Variants in CALM2 observed in about 807,000 individuals in gnomAD.
CALM2 encodes calmodulin 2.
In CALM2, 2 loss-of-function variants were observed where a neutral mutation model predicts 19.8. That is an observed-to-expected ratio of 0.10 (90% CI 0.04 to 0.32). CALM2 has a LOEUF of 0.32. Ranked by LOEUF, CALM2 falls within the 10% of genes least tolerant of loss-of-function variation. CALM2 has a pLI of 1.00. For missense variants in CALM2, 38 were observed against 178.7 expected (o/e 0.21, Z 4.49); for synonymous variants, 51 against 52.1 (o/e 0.98, Z 0.09).
At chr2:47,172,474 G>T in intron 1 of CALM2, 2 of 1,172,542 alleles carry the variant, frequency 1.7e-6, no homozygotes, top group Non-Finnish European at 2.3e-6. Context: ...AGAGTTAAAT[G>T]ATAACCATTA....
At chr2:47,162,776 G>T in intron 2 of CALM2, 114 bp from the exon 3 acceptor site, 1 of 854,230 alleles carries the variant, frequency 1.2e-6, no homozygotes, top group Non-Finnish European at 1.8e-6. Context: ...CCAGTGAACA[G>T]CCACTGCACT....
intron 1 of CALM2, chr2:47,171,862 A>G (rs1398647597): frequency 6.6e-6 from 1 of 152,050 alleles, no homozygotes; most frequent in Non-Finnish European, 1.5e-5. Flanking sequence ...AAAAAGTAAC[A>G]CCTTAATGTG....
At chr2:47,171,030 C>A in intron 1 of CALM2, 1 of 401,484 alleles carries the variant, frequency 2.5e-6, no homozygotes. Context: ...CTTCCTTTTT[C>A]AACGTTAGAA....
rs1369860734 is a variant in CALM2, at chr2:47,160,850, C to A, written c.422-46G>T. 6.7e-5 allele frequency: 25 copies of A among 371,992 alleles called. No homozygotes were observed. Among genetic ancestry groups the A allele is most frequent in the South Asian group, 3.8e-4 (5 of 13,224 alleles). 23.0% of individuals were successfully genotyped at this position (371,992 alleles called of 1,614,324 possible). On this transcript the variant is annotated intron_variant, in intron 5 of 5. Coordinates refer to ENST00000272298, the MANE Select transcript of CALM2 (RefSeq NM_001743.6). ...AAAAAATGAGTCAATAGCAAAAGAC[C>A]AAAAAAAAAAAAAAAAAAAAAAAAT... is the stretch of plus-strand genomic sequence containing the variant.
At chr2:47,176,845 G>T (rs1666891782), upstream of CALM2, 8 of 985,340 alleles carry the variant, frequency 8.1e-6, no homozygotes, top group South Asian at 3.3e-4. Flanking sequence ...TGGCTGGTTT[G>T]TACCTGCAAT....
chr2:47,163,184 C>A (rs1350795083), intron 2 of CALM2: 1 of 153,062 alleles, frequency 6.5e-6, no homozygotes, highest in Non-Finnish European at 1.5e-5. Context: ...GAGTTAGCCA[C>A]TATGTCTAAA....
chr2:47,162,171 CAAAAAAAAAAAA>C lies in CALM2; in HGVS notation c.285+103_285+114del, dbSNP rs56839340. On this transcript the variant is annotated intron_variant, in intron 4 of 5. Coordinates refer to ENST00000272298, the MANE Select transcript of CALM2 (RefSeq NM_001743.6). ...TAATTAAAATATGTTGGTAAATCAT[CAAAAAAAAAAAA>C]AAAAAAAAAAAAAAAAACAACCAAA... 2.1e-3 allele frequency: 275 copies of C among 130,118 alleles called. 1 individual carries two copies. In the South Asian group the frequency reaches 0.026, roughly 12 times the overall value. 8.1% of individuals were successfully genotyped at this position (130,118 alleles called of 1,614,324 possible).
chr2:47,172,404 CA>C, intron 1 of CALM2: 1 of 647,012 alleles, frequency 1.5e-6, no homozygotes, highest in Non-Finnish European at 2.6e-6. Flanking sequence ...ACAAGAATAA[CA>C]ATACTTACCT....
intron 2 of CALM2, among the ~76,000 whole-genome samples, chr2:47,166,154 A>G (rs1375711429): frequency 6.6e-6 from 1 of 152,246 alleles, no homozygotes; most frequent in Non-Finnish European, 1.5e-5. Context: ...ACCTACAAAT[A>G]GCACAATTGA....
chr2:47,166,516 A>G (rs2103834821), intron 2 of CALM2, among the ~76,000 whole-genome samples: 1 of 152,362 alleles, frequency 6.6e-6, no homozygotes, highest in Middle Eastern at 3.4e-3. Context: ...GCAGAAAATA[A>G]AACCGTATCT....
chr2:47,171,188 A>AG (rs1441970520), intron 1 of CALM2: 1 of 158,028 alleles, frequency 6.3e-6, no homozygotes, highest in Non-Finnish European at 1.4e-5. Context: ...AAAAAAAAAA[A>AG]GGCACAAACT....
intron 2 of CALM2, among the ~76,000 whole-genome samples, chr2:47,164,347 A>AACACACAC (rs61085424): frequency 3.6e-5 from 5 of 139,892 alleles, no homozygotes; most frequent in African/African-American, 1.3e-4. Flanking sequence ...TCTCTACTAA[A>AACACACAC]ACACACACAC....
chr2:47,169,891 C>A (rs1266142480), intron 2 of CALM2, among the ~76,000 whole-genome samples: 1 of 148,758 alleles, frequency 6.7e-6, no homozygotes, highest in African/African-American at 2.5e-5. Flanking sequence ...AAATAAACTG[C>A]TTGGTGCTCA....
At chr2:47,170,174 G>A (rs1302464210) in intron 2 of CALM2, among the ~76,000 whole-genome samples, 1 of 152,150 alleles carries the variant, frequency 6.6e-6, no homozygotes, top group Non-Finnish European at 1.5e-5. Context: ...CATTTCAACA[G>A]CTGTCACTGT....
At chr2:47,168,088 T>G (rs1666547596) in intron 2 of CALM2, among the ~76,000 whole-genome samples, 1 of 152,130 alleles carries the variant, frequency 6.6e-6, no homozygotes, top group African/African-American at 2.4e-5. Flanking sequence ...TCATTGAGAA[T>G]AAAATTTATT....
intron 1 of CALM2, among the ~76,000 whole-genome samples, chr2:47,175,383 T>C (rs955594656): frequency 6.6e-6 from 1 of 152,050 alleles, no homozygotes; most frequent in Admixed American, 6.5e-5. Flanking sequence ...AAGGCATCCA[T>C]CCAATTGTTA....
At chr2:47,176,534 C>CA (rs751767542), upstream of CALM2, 20 of 1,581,086 alleles carry the variant, frequency 1.3e-5, no homozygotes, top group South Asian at 2.3e-4. Flanking sequence ...CCGCCCCCAG[C>CA]GCCTCATAAA....
rs557620117 is a variant in CALM2 at position 47,162,212 on chromosome 2, A to T, written c.285+74T>A. The T allele has an allele frequency of 7.5e-6, 5 of 668,306 alleles. No homozygotes were observed. In the South Asian group the frequency reaches 1.7e-4, roughly 22 times the overall value. The allele number at this position is 668,306 out of a possible 1,614,324, so 41.4% of individuals were successfully genotyped here. A position where few individuals can be genotyped will look rare whatever the true frequency, so the allele number is the denominator to read the frequency against. The stretch of plus-strand genomic sequence containing the variant: ...AAAAAAAAAAAAAACAACCAAAAAA[A>T]CACAAGTCTTCATAATGAGTCCTGG... On this transcript the variant is annotated intron_variant, in intron 4 of 5. Coordinates refer to ENST00000272298, the MANE Select transcript of CALM2 (RefSeq NM_001743.6).
At chr2:47,172,409 C>G (rs1352460298) in intron 1 of CALM2, 3 of 678,068 alleles carry the variant, frequency 4.4e-6, no homozygotes, top group Admixed American at 2.4e-5. Context: ...AATAACAATA[C>G]TTACCTTGCA....
Sources: gnomAD v4.1 joint callset for allele counts (sites outside exome capture counted in the v4.1 genomes callset) on GRCh38, gnomAD v4.1.1 for gene constraint, MANE v1.5 for transcripts, NCBI Gene and HGNC (gene_info 2026-07-23, HGNC 2026-07-21) for gene names.